Variants in LRRC7 observed in about 807,000 individuals in gnomAD.
LRRC7 encodes the protein leucine-rich repeat-containing protein 7.
In LRRC7, 23 loss-of-function variants were observed where a neutral mutation model predicts 175.7. The observed-to-expected ratio is 0.13, with a 90% CI of 0.09 to 0.19. LRRC7 has a LOEUF of 0.19. Ranked by LOEUF, LRRC7 falls within the 10% of genes least tolerant of loss-of-function variation. The pLI, the probability that LRRC7 is intolerant of heterozygous loss-of-function variation, is 1.00. For missense variants in LRRC7, 1,354 were observed against 1,904.7 expected (o/e 0.71, Z 5.38); for synonymous variants, 685 against 680.9 (o/e 1.01, Z -0.09).
intron 26 of LRRC7, among the ~76,000 whole-genome samples, chr1:70,118,865 T>G (rs977104692): frequency 2.0e-5 from 3 of 152,106 alleles, no homozygotes; most frequent in African/African-American, 7.2e-5. Flanking sequence ...TCCCTTTCTT[T>G]GTCTCTCTCT....
chr1:69,591,510 T>C lies in LRRC7; in HGVS notation c.2+22869T>C, dbSNP rs1646632673. Among the ~76,000 whole-genome samples the C allele has an allele frequency of 2.0e-5, 3 of 152,074 alleles. No homozygotes were observed. In the South Asian group the frequency reaches 6.2e-4, roughly 31 times the overall value. On this transcript the variant is annotated intron_variant, in intron 1 of 26. Transcript: ENST00000651989. ...CCATATGATCCTCAAATAATCTCCC[T>C]ATAGAAAATTGTAGTAAAACCGATA... is the stretch of plus-strand genomic sequence containing the variant.
chr1:69,886,056 A>G (rs955514198), intron 7 of LRRC7, among the ~76,000 whole-genome samples: 23 of 149,958 alleles, frequency 1.5e-4, no homozygotes, highest in African/African-American at 5.2e-4. Flanking sequence ...CAATTTTGGA[A>G]TAGGTGTGGT....
At chr1:70,082,904 G>A (rs1011922659) in intron 24 of LRRC7, among the ~76,000 whole-genome samples, 4 of 146,458 alleles carry the variant, frequency 2.7e-5, no homozygotes, top group Admixed American at 7.1e-5. Flanking sequence ...TCCTGCCTCA[G>A]CCTCCCGAGT....
chr1:69,632,523 C>T (rs948673322), intron 1 of LRRC7, among the ~76,000 whole-genome samples: 1 of 152,046 alleles, frequency 6.6e-6, no homozygotes, highest in Non-Finnish European at 1.5e-5. Flanking sequence ...TTTCAAGAAG[C>T]CATTTTACAT....
chr1:69,636,799 TTGGAGGAATTACAA>T (rs1459087621), intron 1 of LRRC7, among the ~76,000 whole-genome samples: 2 of 151,996 alleles, frequency 1.3e-5, no homozygotes, highest in African/African-American at 4.8e-5. Context: ...AATATATTCA[TTGGAGGAATTACAA>T]TGGACAGTCT....
intron 1 of LRRC7, among the ~76,000 whole-genome samples, chr1:69,587,762 G>C (rs149081974): frequency 2.0e-5 from 3 of 152,236 alleles, no homozygotes; most frequent in South Asian, 2.1e-4. Flanking sequence ...GTGTTTGGAA[G>C]TTTCCCTATT....
At chr1:69,807,453 T>G (rs1323885056) in intron 4 of LRRC7, among the ~76,000 whole-genome samples, 1 of 152,102 alleles carries the variant, frequency 6.6e-6, no homozygotes. Context: ...CCTTTCCATG[T>G]TTAGTGCTTC....
chr1:69,676,040 CAA>C (rs1491263656), intron 1 of LRRC7, among the ~76,000 whole-genome samples: 6 of 147,236 alleles, frequency 4.1e-5, no homozygotes, highest in Non-Finnish European at 7.6e-5. Flanking sequence ...CACACACACA[CAA>C]GCACATAAAG....
chr1:69,642,811 C>CGTAGATAG (rs1553131045), intron 1 of LRRC7, among the ~76,000 whole-genome samples: 1 of 147,176 alleles, frequency 6.8e-6, no homozygotes, highest in South Asian at 2.2e-4. Flanking sequence ...ACAGATGATA[C>CGTAGATAG]ATAGATAGAT....
intron 7 of LRRC7, among the ~76,000 whole-genome samples, chr1:69,911,838 T>C (rs1646540576): frequency 6.6e-6 from 1 of 152,036 alleles, no homozygotes; most frequent in Non-Finnish European, 1.5e-5. Flanking sequence ...TATGCCTATT[T>C]GATACACCCG....
chr1:69,973,169 C>A (rs1652441702), intron 8 of LRRC7, among the ~76,000 whole-genome samples: 1 of 151,240 alleles, frequency 6.6e-6, no homozygotes, highest in South Asian at 2.1e-4. Context: ...TTATTCTAAG[C>A]AAAGTAACTC....
At chr1:69,896,390 T>G (rs955709054) in intron 7 of LRRC7, among the ~76,000 whole-genome samples, 12 of 152,188 alleles carry the variant, frequency 7.9e-5, no homozygotes, top group Admixed American at 7.9e-4. Context: ...AAACACTACA[T>G]CTTATTTCTT....
rs1399920131 is a variant in LRRC7 at position 70,140,818 on chromosome 1, T to C, written c.*18931T>C. On this transcript the variant is annotated 3_prime_UTR_variant, in exon 27 of 27. Transcript: ENST00000651989. ...CAATCACAGCCACAAAGACTGAATA[T>C]TTTGGTTCAGATGGCTTTCCCTTCT... 6.6e-6 allele frequency among the ~76,000 whole-genome samples: 1 copy of C among 152,138 alleles called. No homozygotes were observed. The highest frequency in any genetic ancestry group is 1.5e-5 in the Non-Finnish European group (1 of 68,028).
At chr1:70,110,483 G>A (rs1053061585) in intron 26 of LRRC7, among the ~76,000 whole-genome samples, 5 of 152,154 alleles carry the variant, frequency 3.3e-5, no homozygotes, top group Non-Finnish European at 7.4e-5. Flanking sequence ...GGGACGTGAG[G>A]GTTATGAGGG....
chr1:69,835,113 AT>A (rs1160065004), intron 6 of LRRC7, among the ~76,000 whole-genome samples: 2 of 152,022 alleles, frequency 1.3e-5, no homozygotes, highest in African/African-American at 2.4e-5. Flanking sequence ...ATAAAAAAAA[AT>A]AAAGCCAGAA....
At chr1:69,981,376 T>C (rs1278326847) in intron 9 of LRRC7, among the ~76,000 whole-genome samples, 1 of 152,130 alleles carries the variant, frequency 6.6e-6, no homozygotes, top group Non-Finnish European at 1.5e-5. Flanking sequence ...TGAATAAGCA[T>C]AAGACCACAT....
intron 1 of LRRC7, among the ~76,000 whole-genome samples, chr1:69,600,534 T>A (rs1293582682): frequency 1.3e-5 from 2 of 152,196 alleles, no homozygotes; most frequent in Admixed American, 1.3e-4. Context: ...TAAAGTACCA[T>A]CTATATCAGT....
intron 1 of LRRC7, among the ~76,000 whole-genome samples, chr1:69,599,817 G>C (rs1378592637): frequency 6.6e-6 from 1 of 152,166 alleles, no homozygotes; most frequent in African/African-American, 2.4e-5. Flanking sequence ...AATCATGGTT[G>C]TTCTAGCTCA....
At chr1:70,060,502 C>G (rs1661495208) in intron 23 of LRRC7, among the ~76,000 whole-genome samples, 1 of 151,934 alleles carries the variant, frequency 6.6e-6, no homozygotes, top group Non-Finnish European at 1.5e-5. Context: ...CTGTTGAGGT[C>G]CCTTATGTCA....
Sources: gnomAD v4.1 joint callset for allele counts (sites outside exome capture counted in the v4.1 genomes callset) on GRCh38, gnomAD v4.1.1 for gene constraint, MANE v1.5 for transcripts, NCBI Gene and HGNC (gene_info 2026-07-23, HGNC 2026-07-21) for gene names.